The following RANBP2 variants were observed in gnomAD, a reference collection of about 807,000 sequenced individuals.
RANBP2 encodes the protein E3 SUMO-protein ligase RanBP2.
Under a neutral mutation model 303.6 loss-of-function variants are expected in RANBP2, and 57 were observed. The ratio of observed to expected loss-of-function variants is 0.19; its 90% CI spans 0.15 to 0.23. The LOEUF is 0.23. Among genes scored for constraint, RANBP2 ranks in the 10% least tolerant of loss-of-function variants. RANBP2 has a pLI of 1.00. For synonymous variants in RANBP2, 1,167 were observed against 1,301.5 expected (o/e 0.90, Z 2.23); for missense variants, 3,138 against 3,780.8 (o/e 0.83, Z 4.46).
chr2:109,105,360 G>A, the RANBP2 span, among the ~76,000 whole-genome samples: 1 of 152,256 alleles, frequency 6.6e-6, no homozygotes, highest in Non-Finnish European at 1.5e-5. Flanking sequence ...CCAAGTGCTG[G>A]CAGGCCACTG....
chr2:109,415,575 T>C, the RANBP2 span, among the ~76,000 whole-genome samples: 1 of 152,144 alleles, frequency 6.6e-6, no homozygotes, highest in Non-Finnish European at 1.5e-5. Flanking sequence ...CACTTCCTGA[T>C]GGGTTCCCTG....
At chr2:108,817,873 C>T in the RANBP2 span, among the ~76,000 whole-genome samples, 1 of 152,148 alleles carries the variant, frequency 6.6e-6, no homozygotes, top group Non-Finnish European at 1.5e-5. Context: ...AGCAATAGGA[C>T]ACAAATACAC....
the RANBP2 span, among the ~76,000 whole-genome samples, chr2:108,906,751 C>T: frequency 1.2e-4 from 18 of 152,248 alleles, no homozygotes; most frequent in Non-Finnish European, 2.6e-4. Flanking sequence ...TGCCAGGAGA[C>T]CAGGCCCACG....
chr2:109,473,205 A>G, the RANBP2 span, among the ~76,000 whole-genome samples: 1 of 151,886 alleles, frequency 6.6e-6, no homozygotes, highest in African/African-American at 2.4e-5. Context: ...CTGCCTAGAC[A>G]TACGAGCGCC....
the RANBP2 span, among the ~76,000 whole-genome samples, chr2:109,488,869 G>T: frequency 6.6e-6 from 1 of 152,242 alleles, no homozygotes; most frequent in African/African-American, 2.4e-5. Context: ...GTGAGGCAGA[G>T]GGGAGATAGG....
chr2:108,877,934 A>G, the RANBP2 span, among the ~76,000 whole-genome samples: 63 of 152,348 alleles, frequency 4.1e-4, 1 homozygote, highest in South Asian at 0.012. Flanking sequence ...CTGGAAGGTA[A>G]TAGGGAGCTC....
chr2:108,847,462 A>G, the RANBP2 span, among the ~76,000 whole-genome samples: 1 of 152,204 alleles, frequency 6.6e-6, no homozygotes, highest in African/African-American at 2.4e-5. Context: ...TGCTTGCACT[A>G]GCTTGTAAGT....
the RANBP2 span, among the ~76,000 whole-genome samples, chr2:108,830,313 A>G: frequency 5.3e-5 from 8 of 152,190 alleles, no homozygotes; most frequent in Non-Finnish European, 8.8e-5. Flanking sequence ...GCATTTTGCA[A>G]AAGTTTTGGG....
intron 26 of RANBP2, 135 bp from the exon 27 acceptor site, chr2:108,781,993 T>C (rs1000530911): frequency 8.5e-6 from 8 of 944,668 alleles, no homozygotes; most frequent in African/African-American, 6.7e-5. Context: ...CCCTAAGATA[T>C]ATAACCAGTT....
the RANBP2 span, among the ~76,000 whole-genome samples, chr2:109,619,226 C>T: frequency 1.3e-5 from 2 of 152,126 alleles, no homozygotes; most frequent in Non-Finnish European, 2.9e-5. Flanking sequence ...TTTCCCACAA[C>T]GTTATCTTTT....
At position 108,754,946 on chromosome 2, in the gene RANBP2, A is replaced by G. The variant is rs1488046156; in HGVS notation, c.2244A>G (p.Ser748=). Residue 748 remains serine (S), a synonymous_variant, in exon 16 of 29, where the codon TCA becomes TCG. Coordinates refer to ENST00000283195, the MANE Select transcript of RANBP2 (RefSeq NM_006267.5). The part of the protein sequence containing the change: ...PLESVKEMLN[S]VMQELEDYSE... ...AGTCTGTAAAAGAGATGCTTAATTCAGTCATGCAGGAACTCGAAGACTATA... is the reference window on the plus strand; with the variant it reads ...AGTCTGTAAAAGAGATGCTTAATTCGGTCATGCAGGAACTCGAAGACTATA... The G allele has an allele frequency of 2.5e-6, 4 of 1,611,746 alleles. No homozygotes were observed. In the African/African-American group the frequency reaches 5.3e-5, roughly 22 times the overall value.
the RANBP2 span, chr2:109,618,944 A>G: frequency 6.0e-6 from 1 of 167,102 alleles, no homozygotes; most frequent in Non-Finnish European, 1.5e-5. Context: ...GGGAGATTGT[A>G]AAATCTGTAA....
chr2:109,427,917 TCG>T, the RANBP2 span, among the ~76,000 whole-genome samples: 1 of 152,242 alleles, frequency 6.6e-6, no homozygotes, highest in Non-Finnish European at 1.5e-5. Flanking sequence ...CCCCAGGTGC[TCG>T]CGCACGCTCC....
chr2:109,402,331 C>A, the RANBP2 span, among the ~76,000 whole-genome samples: 1 of 152,262 alleles, frequency 6.6e-6, no homozygotes, highest in Non-Finnish European at 1.5e-5. Context: ...CTCTTCCCCA[C>A]CATGCTGGCC....
At chr2:108,772,287 C>A (rs900049740) in intron 21 of RANBP2, among the ~76,000 whole-genome samples, 1 of 151,984 alleles carries the variant, frequency 6.6e-6, no homozygotes, top group Non-Finnish European at 1.5e-5. Context: ...ACAAGGAGAT[C>A]GGAAGATGAA....
the RANBP2 span, among the ~76,000 whole-genome samples, chr2:109,435,674 T>G: frequency 2.1e-3 from 318 of 152,362 alleles, no homozygotes; most frequent in Non-Finnish European, 3.2e-3. Flanking sequence ...TCTGCTGTCA[T>G]GAGAGGCAGA....
chr2:109,244,582 A>C, the RANBP2 span, among the ~76,000 whole-genome samples: 1 of 152,230 alleles, frequency 6.6e-6, no homozygotes, highest in Non-Finnish European at 1.5e-5. Flanking sequence ...AATAGTTGCT[A>C]TAGGAATAAG....
At chr2:108,810,717 G>GT in the RANBP2 span, among the ~76,000 whole-genome samples, 1 of 152,192 alleles carries the variant, frequency 6.6e-6, no homozygotes, top group African/African-American at 2.4e-5. Flanking sequence ...TTTTGGGATA[G>GT]TTTGAGAATT....
the RANBP2 span, among the ~76,000 whole-genome samples, chr2:109,207,896 T>G: frequency 1.3e-5 from 2 of 152,240 alleles, no homozygotes; most frequent in Non-Finnish European, 2.9e-5. Flanking sequence ...TTTCCCTGTA[T>G]CATCATTTTC....
Sources: gnomAD v4.1 joint callset for allele counts (sites outside exome capture counted in the v4.1 genomes callset) on GRCh38, gnomAD v4.1.1 for gene constraint, MANE v1.5 for transcripts, NCBI Gene and HGNC (gene_info 2026-07-23, HGNC 2026-07-21) for gene names.